CNKSR3: variants seen among roughly 807,000 people sequenced by gnomAD.
CNKSR3 encodes the protein CNKSR family member 3, also known as connector enhancer of kinase suppressor of ras 3.
In CNKSR3, 36 loss-of-function variants were observed where a neutral mutation model predicts 67.7. That is an observed-to-expected ratio of 0.53 (90% CI 0.41 to 0.70). The LOEUF is 0.70. CNKSR3 is among the 30% of genes least tolerant of loss of function. The pLI, the probability that CNKSR3 is intolerant of heterozygous loss-of-function variation, is 0.00. For missense variants in CNKSR3, 630 were observed against 695.2 expected (o/e 0.91, Z 1.05); for synonymous variants, 281 against 271.4 (o/e 1.04, Z -0.35).
chr6:154,481,642 A>T (rs189974090), intron 1 of CNKSR3, among the ~76,000 whole-genome samples: 2 of 152,314 alleles, frequency 1.3e-5, no homozygotes, highest in African/African-American at 4.8e-5. Flanking sequence ...TTTATGCTGT[A>T]TGATTTTATG....
At chr6:154,464,470 C>T (rs1393814718) in intron 1 of CNKSR3, among the ~76,000 whole-genome samples, 1 of 151,594 alleles carries the variant, frequency 6.6e-6, no homozygotes, top group African/African-American at 2.4e-5. Flanking sequence ...TAATCCCAGC[C>T]CTTTGGGAGG....
At chr6:154,445,609 T>C (rs1785692963) in intron 2 of CNKSR3, among the ~76,000 whole-genome samples, 1 of 152,238 alleles carries the variant, frequency 6.6e-6, no homozygotes, top group South Asian at 2.1e-4. Flanking sequence ...ACATAACGTT[T>C]ACTTATTGAA....
chr6:154,421,534 G>C (rs115948283), intron 9 of CNKSR3, among the ~76,000 whole-genome samples: 1 of 152,168 alleles, frequency 6.6e-6, no homozygotes. Context: ...TAAGCACTAA[G>C]GACCAATGGC....
intron 10 of CNKSR3, 148 bp downstream of exon 10, chr6:154,414,151 C>T (rs1157324685): frequency 2.6e-6 from 2 of 779,924 alleles, no homozygotes; most frequent in Admixed American, 6.8e-5. Context: ...TAAAATAAGG[C>T]TGATCATACT....
Position 154,390,993 on chromosome 6 carries a change from G to A in CNKSR3, c.*15361C>T, listed in dbSNP as rs1784598847. 6.6e-6 allele frequency: 1 copy of A among 152,092 alleles called. No individual in the cohort carries two copies. The highest frequency in any genetic ancestry group is 1.5e-5 in the Non-Finnish European group (1 of 68,042). The allele number at this position is 152,092 out of a possible 1,614,324, so 9.4% of individuals were successfully genotyped here. On this transcript the variant is annotated 3_prime_UTR_variant, in exon 13 of 13. Transcript: ENST00000607772. Reference sequence around the variant, plus strand: ...TTTTTATATTTTTAGTAGAGAGAGGGTTTCACCATTCTGGCCAGGCTGGTC... The same window carrying A: ...TTTTTATATTTTTAGTAGAGAGAGGATTTCACCATTCTGGCCAGGCTGGTC...
At chr6:154,482,900 G>A (rs1786593462) in intron 1 of CNKSR3, among the ~76,000 whole-genome samples, 1 of 152,166 alleles carries the variant, frequency 6.6e-6, no homozygotes, top group South Asian at 2.1e-4. Flanking sequence ...TTTAATCAGA[G>A]ATGATTTTCC....
chr6:154,422,165 T>A (rs371234495), intron 9 of CNKSR3, among the ~76,000 whole-genome samples: 1 of 152,066 alleles, frequency 6.6e-6, no homozygotes. Context: ...GCTAATTTTT[T>A]GTATTTTTAG....
chr6:154,406,290 T>C lies in CNKSR3; in HGVS notation c.*64A>G. 6.9e-7 allele frequency: 1 copy of C among 1,451,198 alleles called. No homozygotes were observed. Among genetic ancestry groups the C allele is most frequent in the African/African-American group, 1.4e-5 (1 of 71,012 alleles). 89.9% of individuals were successfully genotyped at this position (1,451,198 alleles called of 1,614,324 possible). ...TACTGAGGCTGAAACGAGAAGAGGC[T>C]GTCCACTGTAAAAGCAAGGCACTTG... On this transcript the variant is annotated 3_prime_UTR_variant, in exon 13 of 13. Transcript: ENST00000607772.
chr6:154,439,930 C>T (rs6910929), intron 4 of CNKSR3, among the ~76,000 whole-genome samples: 42,530 of 151,934 alleles, frequency 0.28, 6,931 homozygotes, highest in Non-Finnish European at 0.38. Flanking sequence ...GAAAATATTA[C>T]GGGAAGAGGG....
intron 7 of CNKSR3, among the ~76,000 whole-genome samples, chr6:154,423,184 T>A (rs917806439): frequency 4.6e-5 from 7 of 152,266 alleles, no homozygotes; most frequent in Admixed American, 2.6e-4. Context: ...ATCTTATTAG[T>A]GTCTGTTATA....
At chr6:154,476,840 A>G (rs539922806) in intron 1 of CNKSR3, among the ~76,000 whole-genome samples, 9 of 152,290 alleles carry the variant, frequency 5.9e-5, no homozygotes, top group Admixed American at 5.2e-4. Flanking sequence ...TCCATCCAAA[A>G]CTACAGGGAA....
intron 1 of CNKSR3, among the ~76,000 whole-genome samples, chr6:154,483,947 G>A (rs1786616465): frequency 6.6e-6 from 1 of 152,146 alleles, no homozygotes; most frequent in Admixed American, 6.5e-5. Context: ...AAAATGCTAG[G>A]ATGTGCCACA....
chr6:154,500,251 T>G (rs1786969297), intron 1 of CNKSR3, among the ~76,000 whole-genome samples: 1 of 127,318 alleles, frequency 7.9e-6, no homozygotes, highest in Non-Finnish European at 1.7e-5. Context: ...GTAAGTAAAA[T>G]TAGAAACACA....
chr6:154,466,125 C>T (rs1786192760), intron 1 of CNKSR3, among the ~76,000 whole-genome samples: 1 of 152,130 alleles, frequency 6.6e-6, no homozygotes, highest in Non-Finnish European at 1.5e-5. Flanking sequence ...AACCAAATAA[C>T]AATATGGTAC....
chr6:154,490,664 C>T (rs777321411), intron 1 of CNKSR3, among the ~76,000 whole-genome samples: 2 of 152,096 alleles, frequency 1.3e-5, no homozygotes, highest in Non-Finnish European at 1.5e-5. Flanking sequence ...ATCCCACTCC[C>T]GACTCTCCAG....
At position 154,406,103 on chromosome 6, in the gene CNKSR3, G is replaced by T. The variant is rs571093746; in HGVS notation, c.*251C>A. 107 of 484,814 alleles carry T rather than the reference G, an allele frequency of 2.2e-4. No homozygotes were observed. The highest frequency in any genetic ancestry group is 1.4e-4 in the Admixed American group (4 of 27,682). The allele number at this position is 484,814 out of a possible 1,614,324, so 30.0% of individuals were successfully genotyped here. ...CGCGTGTCTTCACATTCTATCTCTG[G>T]GGAAGCAAGACAAACAGGCTCTACC... On this transcript the variant is annotated 3_prime_UTR_variant, in exon 13 of 13. Coordinates refer to ENST00000607772, the MANE Select transcript of CNKSR3 (RefSeq NM_173515.4).
At chr6:154,437,410 CTTTT>C (rs10665656) in intron 4 of CNKSR3, among the ~76,000 whole-genome samples, 2 of 102,142 alleles carry the variant, frequency 2.0e-5, no homozygotes, top group Non-Finnish European at 1.9e-5. Flanking sequence ...CACCTATGTT[CTTTT>C]TTTTTTTTTT....
rs1030037324 is a variant in CNKSR3 at position 154,391,512 on chromosome 6, C to G, written c.*14842G>C. ...CCTCCCAAAGTGCTGGGATTACAGG[C>G]GTGAGCAATCAGGCCCAGCCTGAAT... is the stretch of plus-strand genomic sequence containing the variant. On this transcript the variant is annotated 3_prime_UTR_variant, in exon 13 of 13. Coordinates refer to ENST00000607772, the MANE Select transcript of CNKSR3 (RefSeq NM_173515.4). 6.6e-6 allele frequency: 1 copy of G among 152,366 alleles called. No homozygotes were observed. The highest frequency in any genetic ancestry group is 1.5e-5 in the Non-Finnish European group (1 of 68,190). 9.4% of individuals were successfully genotyped at this position (152,366 alleles called of 1,614,324 possible). A position where few individuals can be genotyped will look rare whatever the true frequency, so the allele number is the denominator to read the frequency against.
chr6:154,457,938 C>A (rs1436194534), intron 1 of CNKSR3, among the ~76,000 whole-genome samples: 2 of 152,198 alleles, frequency 1.3e-5, no homozygotes, highest in Non-Finnish European at 2.9e-5. Flanking sequence ...ACCTGTTCTG[C>A]TGAGTTTCTC....
Sources: allele counts gnomAD v4.1 joint callset (sites outside exome capture counted in the v4.1 genomes callset), GRCh38; gene constraint gnomAD v4.1.1; transcripts MANE v1.5; gene names NCBI Gene and HGNC (gene_info 2026-07-23, HGNC 2026-07-21).